Variants in TBP observed in about 807,000 individuals in gnomAD.
The protein encoded by TBP is TATA-box binding protein.
In TBP, 12 loss-of-function variants were observed where a neutral mutation model predicts 46.2. That is an observed-to-expected ratio of 0.26 (90% confidence interval 0.17 to 0.42). TBP has a LOEUF of 0.42. Ranked by LOEUF, TBP falls within the 10% of genes least tolerant of loss-of-function variation. TBP has a pLI of 1.00. For synonymous variants in TBP, 157 were observed against 148.3 expected, an observed-to-expected ratio of 1.06 and a Z score of -0.42; for missense variants, 229 against 403.1, an observed-to-expected ratio of 0.57 and a Z score of 3.70.
At chr6:170,558,599 A>G (rs1404095937) in intron 2 of TBP, among the ~76,000 whole-genome samples, 1 of 151,724 alleles carries the variant, frequency 6.6e-6, no homozygotes, top group Admixed American at 6.6e-5. Flanking sequence ...TACTCACTTC[A>G]TGTCTTGGGG....
At chr6:170,558,611 T>G (rs1170536775) in intron 2 of TBP, among the ~76,000 whole-genome samples, 1 of 152,218 alleles carries the variant, frequency 6.6e-6, no homozygotes, top group Non-Finnish European at 1.5e-5. Context: ...GTCTTGGGGT[T>G]AGATTTTGGT....
intron 5 of TBP, among the ~76,000 whole-genome samples, chr6:170,569,411 A>G (rs1779332063): frequency 6.6e-6 from 1 of 152,248 alleles, no homozygotes; most frequent in Non-Finnish European, 1.5e-5. Context: ...TCATTTTGGC[A>G]GGCCTACAGT....
At position 170,571,512 on chromosome 6, in the gene TBP, G is replaced by GT; in HGVS notation, c.940+9dup. Reference sequence around the variant, plus strand: ...GAAAAGTTGTATTAACAGGTAAGTTGTAACAGGAAGTAGTATCTGAAAGTT... The same window carrying GT: ...GAAAAGTTGTATTAACAGGTAAGTTGTTAACAGGAAGTAGTATCTGAAAGTT... On this transcript the variant is annotated intron_variant, in intron 7 of 7. Coordinates refer to ENST00000392092, the MANE Select transcript of TBP (RefSeq NM_003194.5). The GT allele has an allele frequency of 1.9e-6, 3 of 1,581,488 alleles. No homozygotes were observed. The highest frequency in any genetic ancestry group is 2.6e-6 in the Non-Finnish European group (3 of 1,150,748).
intron 5 of TBP, among the ~76,000 whole-genome samples, chr6:170,568,089 C>T (rs1779297809): frequency 1.3e-5 from 2 of 152,156 alleles, no homozygotes; most frequent in South Asian, 4.1e-4. Context: ...TCCTGATCTC[C>T]GAGGTTTTTC....
At chr6:170,570,940 A>G (rs374823044) in intron 6 of TBP, among the ~76,000 whole-genome samples, 45 of 152,348 alleles carry the variant, frequency 3.0e-4, no homozygotes, top group East Asian at 7.7e-4. Flanking sequence ...CCTGACCACA[A>G]TTGTCAGCTA....
rs375884623 is a variant in TBP at position 170,566,364 on chromosome 6, CTG to C, written c.586-550_586-549del. ...AAAAAGCAGAAAATAAAAGTTAAAA[CTG>C]TGTTTTTTTCCTAATTTGCATTTAT... On this transcript the variant is annotated intron_variant, in intron 4 of 7. Transcript: ENST00000392092. Among the ~76,000 whole-genome samples the C allele has an allele frequency of 3.8e-3, 580 of 152,202 alleles. 5 individuals carry two copies. Among genetic ancestry groups the C allele is most frequent in the African/African-American group, 0.013 (520 of 41,528 alleles).
chr6:170,564,821 C>T (rs1050358881), intron 4 of TBP, among the ~76,000 whole-genome samples, 189 bp downstream of exon 4: 1 of 150,916 alleles, frequency 6.6e-6, no homozygotes, highest in Non-Finnish European at 1.5e-5. Flanking sequence ...AGGAGTTCAC[C>T]ACCAGCCCAG....
rs766596848 is a variant in TBP at position 170,566,909 on chromosome 6, C to A, written c.586-9C>A. The A allele has an allele frequency of 1.2e-6, 2 of 1,611,530 alleles. No homozygotes were observed. The highest frequency in any genetic ancestry group is 2.7e-5 in the African/African-American group (2 of 74,876). ...TGACCTCACTAATGATTCTCTCTGACCATTGTAGCGGTTTGCTGCGGTAAT... is the reference window on the plus strand; with the variant it reads ...TGACCTCACTAATGATTCTCTCTGAACATTGTAGCGGTTTGCTGCGGTAAT... On this transcript the variant is annotated splice_polypyrimidine_tract_variant and intron_variant, in intron 4 of 7. Coordinates refer to ENST00000392092, the MANE Select transcript of TBP (RefSeq NM_003194.5).
At chr6:170,562,486 T>C (rs1050267034) in intron 3 of TBP, among the ~76,000 whole-genome samples, 3 of 152,236 alleles carry the variant, frequency 2.0e-5, no homozygotes, top group African/African-American at 7.2e-5. Flanking sequence ...TAAAATTTAA[T>C]CTGACTTTCA....
At chr6:170,557,342 A>G (rs534287612) in intron 2 of TBP, among the ~76,000 whole-genome samples, 10 of 152,222 alleles carry the variant, frequency 6.6e-5, no homozygotes, top group African/African-American at 1.9e-4. Flanking sequence ...CCAAATGACT[A>G]TATAGGGTCT....
intron 3 of TBP, among the ~76,000 whole-genome samples, chr6:170,562,616 C>T (rs1289387697): frequency 6.6e-6 from 1 of 152,100 alleles, no homozygotes; most frequent in Non-Finnish European, 1.5e-5. Flanking sequence ...AGTATAATTT[C>T]TGGTAGTTCT....
intron 5 of TBP, among the ~76,000 whole-genome samples, chr6:170,569,265 C>T (rs1262284790): frequency 6.6e-6 from 1 of 152,202 alleles, no homozygotes; most frequent in Non-Finnish European, 1.5e-5. Context: ...TCAACATTTT[C>T]TGATCAAAAT....
intron 7 of TBP, 44 bp from the exon 8 acceptor site, chr6:170,572,142 G>A: frequency 7.0e-7 from 1 of 1,434,124 alleles, no homozygotes; most frequent in Non-Finnish European, 9.8e-7. Context: ...ATGTTAAGAA[G>A]TGCCATTTCA....
chr6:170,567,068 C>A, intron 5 of TBP, 59 bp downstream of exon 5: 1 of 1,445,702 alleles, frequency 6.9e-7, no homozygotes, highest in South Asian at 1.3e-5. Context: ...GGTGATATCT[C>A]ATTGTTTTTA....
At chr6:170,561,031 G>A (rs749433443) in intron 2 of TBP, among the ~76,000 whole-genome samples, 24 of 152,210 alleles carry the variant, frequency 1.6e-4, no homozygotes, top group South Asian at 1.0e-3. Flanking sequence ...GTCAGTCAGT[G>A]TGGCAAACTT....
intron 5 of TBP, among the ~76,000 whole-genome samples, chr6:170,568,209 G>T (rs1779300661): frequency 6.6e-6 from 1 of 152,034 alleles, no homozygotes; most frequent in Non-Finnish European, 1.5e-5. Context: ...TCCCCTGCAT[G>T]GAACATCAGA....
Position 170,569,902 on chromosome 6 carries a change from A to G in TBP, c.845+123A>G, listed in dbSNP as rs1476636131. The G allele has an allele frequency of 1.1e-5, 10 of 911,318 alleles. No individual in the cohort carries two copies. In the East Asian group the frequency reaches 1.1e-4, roughly 10 times the overall value. 56.5% of individuals were successfully genotyped at this position (911,318 alleles called of 1,614,324 possible). On this transcript the variant is annotated intron_variant, in intron 6 of 7. Coordinates refer to ENST00000392092, the MANE Select transcript of TBP (RefSeq NM_003194.5). ...GAACAGTTGACATGGTTATAGTTGTATGTATTCTTGCATTGTCTTCCTGAT... is the reference window on the plus strand; with the variant it reads ...GAACAGTTGACATGGTTATAGTTGTGTGTATTCTTGCATTGTCTTCCTGAT...
rs75648303 is a variant in TBP, at chr6:170,572,301, C to CT, written c.*49dup. 50,252 of 1,156,878 alleles carry CT rather than the reference C, an allele frequency of 0.043. No homozygotes were observed. The highest frequency in any genetic ancestry group is 0.048 in the Non-Finnish European group (40,135 of 829,188). 71.7% of individuals were successfully genotyped at this position (1,156,878 alleles called of 1,614,324 possible). ...GTACCCTTGCCTCCCCCACCCCCTT[C>CT]TTTTTTTTTTTTTAAACAAATCAGT... On this transcript the variant is annotated 3_prime_UTR_variant, in exon 8 of 8. Coordinates refer to ENST00000392092, the MANE Select transcript of TBP (RefSeq NM_003194.5).
At chr6:170,572,070 T>G in intron 7 of TBP, 116 bp from the exon 8 acceptor site, 1 of 789,388 alleles carries the variant, frequency 1.3e-6, no homozygotes, top group Middle Eastern at 3.2e-4. Flanking sequence ...TGTGCCTTAA[T>G]CTGACTGGGT....
Sources: gnomAD v4.1 joint callset for allele counts (sites outside exome capture counted in the v4.1 genomes callset) on GRCh38, gnomAD v4.1.1 for gene constraint, MANE v1.5 for transcripts, NCBI Gene and HGNC (gene_info 2026-07-23, HGNC 2026-07-21) for gene names.